The following NSD2 variants were observed in gnomAD, a reference collection of about 807,000 sequenced individuals.
NSD2 encodes histone-lysine N-methyltransferase NSD2.
NSD2 carries 12 observed loss-of-function variants against 139.0 expected under a neutral mutation model. The ratio of observed to expected loss-of-function variants is 0.09; its 90% confidence interval spans 0.06 to 0.14. The LOEUF (loss-of-function observed/expected upper bound fraction) is 0.14, where lower values mean the gene tolerates loss of function less well. Ranked by LOEUF, NSD2 falls within the 10% of genes least tolerant of loss-of-function variation. The pLI, the probability that NSD2 is intolerant of heterozygous loss-of-function variation, is 1.00. For synonymous variants in NSD2, 669 were observed against 648.7 expected (o/e 1.03, Z -0.48); for missense variants, 1,155 against 1,745.0 (o/e 0.66, Z 6.02).
At chr4:1,962,673 T>C (rs1332452052) in intron 18 of NSD2, among the ~76,000 whole-genome samples, 4 of 152,176 alleles carry the variant, frequency 2.6e-5, no homozygotes, top group Admixed American at 6.5e-5. Flanking sequence ...TCCTAGGTTT[T>C]GTTGTTATTT....
intron 1 of NSD2, among the ~76,000 whole-genome samples, chr4:1,874,343 A>ACTACCTGCCACCTGTCCTTCCT (rs1208129936): frequency 1.3e-5 from 2 of 152,066 alleles, no homozygotes; most frequent in South Asian, 4.1e-4. Flanking sequence ...TTGGGTGTGG[A>ACTACCTGCCACCTGTCCTTCCT]CTACCTGCCA....
Position 1,947,078 on chromosome 4 carries a change from G to A in NSD2, c.1882-3994G>A. The A allele has an allele frequency of 5.6e-6, 6 of 1,064,658 alleles. No homozygotes were observed. In the South Asian group the frequency reaches 2.7e-4, roughly 48 times the overall value. 66.0% of individuals were successfully genotyped at this position (1,064,658 alleles called of 1,614,324 possible). On this transcript the variant is annotated intron_variant, in intron 9 of 21. Coordinates refer to ENST00000508803, the MANE Select transcript of NSD2 (RefSeq NM_001042424.3). ...GCTCAGCACTGTGCCAGTGGAAGCA[G>A]GTGTATTGTGGGCAGTTTTGTCATT...
Position 1,972,800 on chromosome 4 carries a change from T to C in NSD2, c.3373-2063T>C, listed in dbSNP as rs2109013583. On this transcript the variant is annotated intron_variant, in intron 18 of 21. Coordinates refer to ENST00000508803, the MANE Select transcript of NSD2 (RefSeq NM_001042424.3). The surrounding 1 kb of genome is among the most constrained non-coding windows in gnomAD (Gnocchi z 4.0). ...GAGGCAGCTTTGTGAGAAAAGACAT[T>C]GTGCACGGAAGATTCCATTGGGAGC... is the stretch of plus-strand genomic sequence containing the variant. Among the ~76,000 whole-genome samples the C allele has an allele frequency of 6.6e-6, 1 of 152,314 alleles. No individual in the cohort carries two copies. Among genetic ancestry groups the C allele is most frequent in the African/African-American group, 2.4e-5 (1 of 41,560 alleles).
At position 1,978,962 on chromosome 4, in the gene NSD2, G is replaced by A; in HGVS notation, c.*53G>A. On this transcript the variant is annotated 3_prime_UTR_variant, in exon 22 of 22. Transcript: ENST00000508803. ...GGGGCGGTGCAGGGCGGCCGGCCCT[G>A]CCTGCGGGAGAGGGCGAGCATGAAC... is the stretch of plus-strand genomic sequence containing the variant. 6.9e-7 allele frequency: 1 copy of A among 1,444,120 alleles called. No individual in the cohort carries two copies. The highest frequency in any genetic ancestry group is 9.1e-7 in the Non-Finnish European group (1 of 1,096,656). 89.5% of individuals were successfully genotyped at this position (1,444,120 alleles called of 1,614,324 possible).
chr4:1,959,144 G>A (rs560453728), intron 16 of NSD2, among the ~76,000 whole-genome samples: 2 of 152,350 alleles, frequency 1.3e-5, no homozygotes, highest in African/African-American at 4.8e-5. Context: ...AGTGTACTAA[G>A]CAATCAACAC....
intron 2 of NSD2, among the ~76,000 whole-genome samples, chr4:1,903,967 C>T (rs924132183): frequency 6.6e-6 from 1 of 152,182 alleles, no homozygotes; most frequent in Non-Finnish European, 1.5e-5. Context: ...ATCTCCTGAA[C>T]TCGTGATCCG....
intron 1 of NSD2, among the ~76,000 whole-genome samples, chr4:1,890,400 G>A (rs1408590638): frequency 2.6e-5 from 4 of 151,626 alleles, no homozygotes; most frequent in African/African-American, 9.7e-5. Flanking sequence ...CCGGGTTCAC[G>A]CCATTCTCCT....
rs375253637 is a variant in NSD2 at position 1,910,266 on chromosome 4, C to T, written c.760+5888C>T. ...TTTTCGAGACAGTCTTTCTCTGTCA[C>T]CCAGGCTGGAGTGCAGTGTCACAAT... On this transcript the variant is annotated intron_variant, in intron 3 of 21. Coordinates refer to ENST00000508803, the MANE Select transcript of NSD2 (RefSeq NM_001042424.3). Among the ~76,000 whole-genome samples, 18 of 151,652 alleles carry T rather than the reference C, an allele frequency of 1.2e-4. 1 individual carries two copies. The highest frequency in any genetic ancestry group is 1.2e-3 in the East Asian group (6 of 5,118).
In NSD2 at chr4:1,942,199, A is replaced by C; in HGVS notation, c.1881+2421A>C. The C allele has an allele frequency of 6.8e-7, 1 of 1,465,802 alleles. No individual in the cohort carries two copies. The highest frequency in any genetic ancestry group is 9.0e-7 in the Non-Finnish European group (1 of 1,112,012). The allele number at this position is 1,465,802 out of a possible 1,614,324, so 90.8% of individuals were successfully genotyped here. A position where few individuals can be genotyped will look rare whatever the true frequency, so the allele number is the denominator to read the frequency against. On this transcript the variant is annotated intron_variant, in intron 9 of 21. Transcript: ENST00000508803. This position sits in a 1 kb window ranked among gnomAD's most constrained non-coding sequence, Gnocchi z 4.0. The stretch of plus-strand genomic sequence containing the variant: ...TATTACATGGTACTACATCACCCTG[A>C]GGAAGAGAATAAATTAAAATTACAC...
At chr4:1,912,215 C>A in intron 3 of NSD2, 1 of 249,136 alleles carries the variant, frequency 4.0e-6, no homozygotes, top group South Asian at 3.8e-5. Flanking sequence ...TTATCTCTTT[C>A]ATCATTTTCT....
intron 7 of NSD2, among the ~76,000 whole-genome samples, chr4:1,936,681 A>G (rs2108883137): frequency 6.6e-6 from 1 of 152,102 alleles, no homozygotes; most frequent in Admixed American, 6.5e-5. Flanking sequence ...AAAAAAAAAA[A>G]AAAAAAAAGT....
chr4:1,975,530 C>T (rs1443725636), intron 20 of NSD2, 130 bp downstream of exon 20: 54 of 747,776 alleles, frequency 7.2e-5, no homozygotes, highest in Non-Finnish European at 6.5e-5. Context: ...GAGCAAGTTC[C>T]CTGCTGTGGG....
chr4:1,944,478 G>A (rs1266475151), intron 9 of NSD2: 3 of 1,065,582 alleles, frequency 2.8e-6, no homozygotes, highest in East Asian at 5.0e-5. Context: ...AACCATTTTA[G>A]TCCCATTTGA....
chr4:1,928,005 T>C (rs1177667247), intron 5 of NSD2, among the ~76,000 whole-genome samples: 3 of 151,916 alleles, frequency 2.0e-5, no homozygotes. Flanking sequence ...TGCTTCCACC[T>C]CCACTTCCCA....
intron 5 of NSD2, among the ~76,000 whole-genome samples, chr4:1,927,546 C>G (rs568050731): frequency 2.0e-5 from 3 of 151,722 alleles, no homozygotes; most frequent in African/African-American, 7.2e-5. Flanking sequence ...GGTGAAACCC[C>G]CATCTCTACT....
At chr4:1,877,537 C>G (rs1714349596) in intron 1 of NSD2, among the ~76,000 whole-genome samples, 1 of 152,222 alleles carries the variant, frequency 6.6e-6, no homozygotes, top group South Asian at 2.1e-4. Context: ...CCCCCTTACC[C>G]CATGTGTTTG....
Position 1,872,591 on chromosome 4 carries a change from T to TGAGAGAGAGAGAGAGAGAGAGAGAGA in NSD2, c.-30+1069_-30+1094dup, listed in dbSNP as rs1200688066. Among the ~76,000 whole-genome samples the TGAGAGAGAGAGAGAGAGAGAGAGAGA allele has an allele frequency of 1.2e-3, 52 of 44,872 alleles. 5 individuals carry two copies. The highest frequency in any genetic ancestry group is 5.1e-3 in the East Asian group (4 of 790). The allele number at this position is 44,872 out of a possible 152,430, so 29.4% of individuals were successfully genotyped here. A position where few individuals can be genotyped will look rare whatever the true frequency, so the allele number is the denominator to read the frequency against. On this transcript the variant is annotated intron_variant, in intron 1 of 21. Coordinates refer to ENST00000508803, the MANE Select transcript of NSD2 (RefSeq NM_001042424.3). ...GTGTGTGTGTGTGTGTGTGTGTGTG[T>TGAGAGAGAGAGAGAGAGAGAGAGAGA]GAGAGAGAGAGAGAGAGAGAGAGAG...
chr4:1,943,955 C>T (rs1723365734), intron 9 of NSD2: 1 of 1,064,584 alleles, frequency 9.4e-7, no homozygotes, highest in African/African-American at 1.6e-5. Context: ...GGTGCTCCCT[C>T]TATATTATGG....
At chr4:1,965,904 TCCTC>T (rs1283392416) in intron 18 of NSD2, among the ~76,000 whole-genome samples, 1 of 152,162 alleles carries the variant, frequency 6.6e-6, no homozygotes, top group Non-Finnish European at 1.5e-5. Flanking sequence ...CCCACCAGGT[TCCTC>T]CCTTAACACC....
Sources: gnomAD v4.1 joint callset for allele counts (sites outside exome capture counted in the v4.1 genomes callset) on GRCh38, gnomAD v4.1.1 for gene constraint, Gnocchi (gnomAD v3.1) non-coding constraint, MANE v1.5 for transcripts, NCBI Gene and HGNC (gene_info 2026-07-23, HGNC 2026-07-21) for gene names.